ADGRL2: variants seen among roughly 807,000 people sequenced by gnomAD.
ADGRL2 encodes the protein adhesion G protein-coupled receptor L2, also known as calcium-independent alpha-latrotoxin receptor 2.
A neutral mutation model predicts 157.4 loss-of-function variants in ADGRL2; 44 were observed. The ratio of observed to expected loss-of-function variants is 0.28; its 90% confidence interval spans 0.22 to 0.36. The LOEUF is 0.36. Ranked by LOEUF, ADGRL2 falls within the 10% of genes least tolerant of loss-of-function variation. The pLI is 1.00. For synonymous variants in ADGRL2, 585 were observed against 624.7 expected (o/e 0.94, Z 0.95); for missense variants, 1,510 against 1,768.9 (o/e 0.85, Z 2.63).
chr1:81,560,748 G>T (rs909467075), intron 2 of ADGRL2, among the ~76,000 whole-genome samples: 1 of 152,124 alleles, frequency 6.6e-6, no homozygotes, highest in African/African-American at 2.4e-5. Flanking sequence ...CGCAGAAGAG[G>T]CAAAGACAAA....
chr1:81,519,653 A>G (rs1388048163), intron 2 of ADGRL2, among the ~76,000 whole-genome samples: 1 of 152,220 alleles, frequency 6.6e-6, no homozygotes. Context: ...GCATTTTACT[A>G]TCTCCTTTCA....
At chr1:81,856,251 C>T (rs537605371) in intron 2 of ADGRL2, among the ~76,000 whole-genome samples, 1 of 152,106 alleles carries the variant, frequency 6.6e-6, no homozygotes, top group South Asian at 2.1e-4. Context: ...ATTTTTTCCC[C>T]CTTGCAGTTT....
intron 2 of ADGRL2, among the ~76,000 whole-genome samples, chr1:81,496,656 T>C (rs1329113106): frequency 7.0e-6 from 1 of 142,318 alleles, no homozygotes; most frequent in Non-Finnish European, 1.5e-5. Flanking sequence ...ATACAGGAAT[T>C]CAAGCTGTTG....
chr1:81,969,718 C>T (rs1247861028), intron 15 of ADGRL2, among the ~76,000 whole-genome samples: 2 of 152,046 alleles, frequency 1.3e-5, no homozygotes, highest in East Asian at 3.9e-4. Context: ...GACCAGTGAT[C>T]CTTTCTTTGT....
chr1:81,971,799 A>G, intron 16 of ADGRL2, 53 bp from the exon 17 acceptor site: 1 of 912,986 alleles, frequency 1.1e-6, no homozygotes, highest in African/African-American at 1.7e-5. Context: ...TTTCCTTGTG[A>G]TGTTGAGGTT....
At chr1:81,538,222 T>C (rs2079792784) in intron 2 of ADGRL2, among the ~76,000 whole-genome samples, 1 of 152,178 alleles carries the variant, frequency 6.6e-6, no homozygotes, top group Non-Finnish European at 1.5e-5. Context: ...ATAGAAACCC[T>C]GAAACACAGT....
At chr1:81,742,220 G>C (rs1157505648) in intron 1 of ADGRL2, among the ~76,000 whole-genome samples, 2 of 151,836 alleles carry the variant, frequency 1.3e-5, no homozygotes, top group African/African-American at 4.8e-5. Flanking sequence ...GGCATAAAAG[G>C]ATGCTTTAAA....
chr1:81,642,828 A>C (rs1169453929), intron 3 of ADGRL2, among the ~76,000 whole-genome samples: 1 of 152,192 alleles, frequency 6.6e-6, no homozygotes, highest in East Asian at 1.9e-4. Flanking sequence ...AAGAAGAAAA[A>C]TCCCATGATC....
chr1:81,442,289 T>C (rs1439102067), intron 1 of ADGRL2, among the ~76,000 whole-genome samples: 1 of 152,242 alleles, frequency 6.6e-6, no homozygotes. Context: ...CTTTGTTTCC[T>C]TAAAACGGAC....
intron 2 of ADGRL2, among the ~76,000 whole-genome samples, chr1:81,872,492 C>T (rs1386105679): frequency 6.6e-6 from 1 of 152,116 alleles, no homozygotes; most frequent in Non-Finnish European, 1.5e-5. Flanking sequence ...TTACAGTTCA[C>T]ATATTTCAAC....
At chr1:81,666,630 C>T (rs188364046) in intron 3 of ADGRL2, among the ~76,000 whole-genome samples, 13 of 152,206 alleles carry the variant, frequency 8.5e-5, no homozygotes, top group East Asian at 1.9e-4. Context: ...ATCTGTTTGG[C>T]GGCTCCTATG....
intron 3 of ADGRL2, among the ~76,000 whole-genome samples, chr1:81,607,768 A>G (rs72935296): frequency 0.026 from 4,008 of 152,294 alleles, 169 homozygotes; most frequent in African/African-American, 0.091. Flanking sequence ...CTTGACATTT[A>G]GTTAATTAAA....
upstream of ADGRL2, among the ~76,000 whole-genome samples, chr1:81,798,008 T>A (rs903609637): frequency 6.6e-6 from 1 of 152,206 alleles, no homozygotes; most frequent in Non-Finnish European, 1.5e-5. Flanking sequence ...GCAACTATTA[T>A]GAATAAGTCA....
At chr1:81,635,713 C>A (rs1270940023) in intron 3 of ADGRL2, among the ~76,000 whole-genome samples, 1 of 152,086 alleles carries the variant, frequency 6.6e-6, no homozygotes, top group East Asian at 1.9e-4. Context: ...CCAAAAGGCC[C>A]CACCTCCTAA....
At chr1:81,846,747 C>T (rs897486186) in intron 2 of ADGRL2, among the ~76,000 whole-genome samples, 7 of 151,774 alleles carry the variant, frequency 4.6e-5, no homozygotes, top group Admixed American at 6.6e-5. Flanking sequence ...TTAGATATGC[C>T]TATATGAAGT....
intron 1 of ADGRL2, among the ~76,000 whole-genome samples, chr1:81,748,555 A>G (rs912496810): frequency 6.6e-6 from 1 of 151,972 alleles, no homozygotes; most frequent in Non-Finnish European, 1.5e-5. Flanking sequence ...AATTATTTAA[A>G]TAGAGTCACT....
chr1:81,691,420 T>C (rs1173524992), intron 3 of ADGRL2, among the ~76,000 whole-genome samples: 1 of 152,086 alleles, frequency 6.6e-6, no homozygotes, highest in East Asian at 1.9e-4. Context: ...AGAAAAGAAA[T>C]AATAATAATT....
intron 2 of ADGRL2, among the ~76,000 whole-genome samples, chr1:81,493,308 T>C (rs2078670906): frequency 6.6e-6 from 1 of 152,204 alleles, no homozygotes; most frequent in Non-Finnish European, 1.5e-5. Flanking sequence ...TAACTCTAGC[T>C]AAAAGCCAAA....
chr1:81,472,671 T>C (rs1331776463), intron 2 of ADGRL2, among the ~76,000 whole-genome samples: 1 of 152,094 alleles, frequency 6.6e-6, no homozygotes, highest in Non-Finnish European at 1.5e-5. Context: ...GGGAAAGGAA[T>C]CTTGCATTTA....
Sources: gnomAD v4.1 joint callset for allele counts (sites outside exome capture counted in the v4.1 genomes callset) on GRCh38, gnomAD v4.1.1 for gene constraint, MANE v1.5 for transcripts, NCBI Gene and HGNC (gene_info 2026-07-23, HGNC 2026-07-21) for gene names.